Variants in MSRB3 observed in about 807,000 individuals in gnomAD.
MSRB3 encodes methionine-R-sulfoxide reductase B3.
MSRB3 carries 13 observed loss-of-function variants against 21.0 expected under a neutral mutation model. That is an observed-to-expected ratio of 0.62 (90% CI 0.40 to 0.98). The LOEUF is 0.98. Among genes scored for constraint, MSRB3 ranks in the 50% least tolerant of loss-of-function variants. MSRB3 has a pLI of 0.00. For synonymous variants in MSRB3, 87 were observed against 88.6 expected, an observed-to-expected ratio of 0.98 and a Z score of 0.10; for missense variants, 199 against 230.3, an observed-to-expected ratio of 0.86 and a Z score of 0.88.
intron 5 of MSRB3, among the ~76,000 whole-genome samples, chr12:65,430,668 T>A (rs1008696479): frequency 1.3e-5 from 2 of 152,136 alleles, no homozygotes; most frequent in African/African-American, 4.8e-5. Flanking sequence ...ACCTCCTTCT[T>A]TCTTATTACG....
intron 4 of MSRB3, among the ~76,000 whole-genome samples, chr12:65,357,202 A>G (rs532460934): frequency 2.0e-5 from 3 of 151,212 alleles, no homozygotes; most frequent in African/African-American, 7.3e-5. Flanking sequence ...TCTTTCCCTC[A>G]CCTCCCATAT....
intron 2 of MSRB3, among the ~76,000 whole-genome samples, chr12:65,315,476 C>G (rs1874232254): frequency 6.6e-6 from 1 of 151,940 alleles, no homozygotes; most frequent in South Asian, 2.1e-4. Flanking sequence ...TTGAGACCAG[C>G]CTGGCCAACA....
intron 5 of MSRB3, among the ~76,000 whole-genome samples, chr12:65,398,373 T>G (rs1879930705): frequency 6.6e-6 from 1 of 152,230 alleles, no homozygotes; most frequent in Non-Finnish European, 1.5e-5. Flanking sequence ...ATGATGAGCT[T>G]TTTTTCATAT....
intron 1 of MSRB3, among the ~76,000 whole-genome samples, chr12:65,306,456 G>A (rs1873660807): frequency 6.6e-6 from 1 of 152,146 alleles, no homozygotes; most frequent in East Asian, 1.9e-4. Flanking sequence ...TACTTTGCAT[G>A]CATTTTGCAA....
At chr12:65,357,851 C>T (rs962842834) in intron 4 of MSRB3, among the ~76,000 whole-genome samples, 2 of 151,872 alleles carry the variant, frequency 1.3e-5, no homozygotes, top group African/African-American at 2.4e-5. Context: ...AAGGTATATG[C>T]GAACAACACG....
rs1018036415 is a variant in MSRB3 at position 65,450,693 on chromosome 12, A to G, written c.293-3035A>G. ...TTAATGTCAAAACTGACATAAACAC[A>G]CTCCCCTTCCCCCACCCTTTTACTC... On this transcript the variant is annotated intron_variant, in intron 5 of 6. Coordinates refer to ENST00000308259, the MANE Select transcript of MSRB3 (RefSeq NM_001031679.3). Among the ~76,000 whole-genome samples the G allele has an allele frequency of 3.9e-5, 6 of 152,180 alleles. No individual in the cohort carries two copies. The East Asian group carries it at 1.2e-3, about 29-fold the overall frequency.
intron 5 of MSRB3, chr12:65,419,366 C>T (rs1313154027): frequency 7.9e-6 from 6 of 754,876 alleles, no homozygotes; most frequent in Non-Finnish European, 1.5e-5. Context: ...TTTACTTCCT[C>T]TTCATGGTTC....
intron 5 of MSRB3, among the ~76,000 whole-genome samples, chr12:65,445,355 A>C (rs1010304160): frequency 6.6e-6 from 1 of 150,896 alleles, no homozygotes; most frequent in African/African-American, 2.4e-5. Context: ...TTTTTCTAAA[A>C]TACAAATTTG....
intron 4 of MSRB3, among the ~76,000 whole-genome samples, chr12:65,368,609 G>A (rs1291333077): frequency 4.6e-5 from 7 of 152,074 alleles, no homozygotes; most frequent in Non-Finnish European, 8.8e-5. Context: ...AAGTTACTTC[G>A]TGTTGAATAA....
At chr12:65,345,271 A>G (rs1005784177) in intron 4 of MSRB3, among the ~76,000 whole-genome samples, 4 of 152,092 alleles carry the variant, frequency 2.6e-5, no homozygotes, top group Non-Finnish European at 2.9e-5. Context: ...AGACCATTAC[A>G]TCTACATAAT....
At chr12:65,312,564 A>G (rs1375244265) in intron 2 of MSRB3, among the ~76,000 whole-genome samples, 1 of 152,058 alleles carries the variant, frequency 6.6e-6, no homozygotes, top group Non-Finnish European at 1.5e-5. Context: ...ACCCTCATAC[A>G]TATAATTTGT....
intron 5 of MSRB3, among the ~76,000 whole-genome samples, chr12:65,441,066 G>A (rs928324353): frequency 7.9e-5 from 12 of 151,758 alleles, no homozygotes; most frequent in African/African-American, 2.4e-4. Context: ...ACAGAGGTCC[G>A]GTGGACACAT....
intron 5 of MSRB3, among the ~76,000 whole-genome samples, chr12:65,397,850 C>T (rs532347876): frequency 2.6e-4 from 40 of 152,282 alleles, no homozygotes; most frequent in African/African-American, 9.6e-4. Flanking sequence ...TGAGTGAGAA[C>T]ATGCAGTGTT....
At chr12:65,410,085 A>G (rs1880635766) in intron 5 of MSRB3, among the ~76,000 whole-genome samples, 1 of 151,972 alleles carries the variant, frequency 6.6e-6, no homozygotes, top group Non-Finnish European at 1.5e-5. Flanking sequence ...TTTTAATTGC[A>G]TTATTTAATT....
chr12:65,291,152 C>T (rs1285518420), intron 1 of MSRB3, among the ~76,000 whole-genome samples: 1 of 151,836 alleles, frequency 6.6e-6, no homozygotes, highest in Non-Finnish European at 1.5e-5. Context: ...GTGGCACGAT[C>T]TCGGCTCACT....
At chr12:65,322,163 G>C (rs536233716) in intron 2 of MSRB3, among the ~76,000 whole-genome samples, 1 of 152,156 alleles carries the variant, frequency 6.6e-6, no homozygotes, top group African/African-American at 2.4e-5. Context: ...AATCCTGTAT[G>C]AAACTTGTCA....
chr12:65,308,598 C>A lies in MSRB3; in HGVS notation c.19C>A (p.Leu7Met), dbSNP rs1211559001. 6.2e-7 allele frequency: 1 copy of A among 1,613,976 alleles called. No individual in the cohort carries two copies. The highest frequency in any genetic ancestry group is 8.5e-7 in the Non-Finnish European group (1 of 1,179,882). The stretch of plus-strand genomic sequence containing the variant: ...CACAGTGATGTCTGCATTCAACCTG[C>A]TGCATTTGGTGACAAAGAGCCAGCC... MSAFNL[L>M]HLVTKSQPVA... Residue 7 changes from leucine (L) to methionine (M), a missense_variant, in exon 2 of 7, where the codon CTG becomes ATG. Physicochemically the swap from Leu to Met is conservative, Grantham distance 15. Transcript: ENST00000308259.
At chr12:65,421,226 CT>C (rs1378674435) in intron 5 of MSRB3, among the ~76,000 whole-genome samples, 1 of 150,892 alleles carries the variant, frequency 6.6e-6, no homozygotes, top group African/African-American at 2.4e-5. Context: ...CACTATTGAC[CT>C]TTTTTTCATG....
chr12:65,324,106 C>A (rs543319376), intron 2 of MSRB3, among the ~76,000 whole-genome samples: 1 of 152,176 alleles, frequency 6.6e-6, no homozygotes, highest in South Asian at 2.1e-4. Context: ...AAGGACAAAC[C>A]TCACTTACAG....
Sources: gnomAD v4.1 joint callset for allele counts (sites outside exome capture counted in the v4.1 genomes callset) on GRCh38, gnomAD v4.1.1 for gene constraint, MANE v1.5 for transcripts, NCBI Gene and HGNC (gene_info 2026-07-23, HGNC 2026-07-21) for gene names.